Variants in MSH3 observed in about 807,000 individuals in gnomAD.
MSH3 encodes mutS homolog 3.
Under a neutral mutation model 123.3 loss-of-function variants are expected in MSH3, and 106 were observed. The observed-to-expected ratio is 0.86, with a 90% CI of 0.73 to 1.01. The LOEUF (loss-of-function observed/expected upper bound fraction) is 1.01. Among genes scored for constraint, MSH3 ranks in the 50% least tolerant of loss-of-function variants. The pLI, the probability that MSH3 is intolerant of heterozygous loss-of-function variation, is 0.00. For missense variants in MSH3, 1,459 were observed against 1,347.6 expected, an observed-to-expected ratio of 1.08 and a Z score of -1.29; for synonymous variants, 515 against 481.4, an observed-to-expected ratio of 1.07 and a Z score of -0.91.
intron 20 of MSH3, among the ~76,000 whole-genome samples, chr5:80,823,517 G>C (rs1159067327): frequency 6.6e-6 from 1 of 152,110 alleles, no homozygotes; most frequent in South Asian, 2.1e-4. Context: ...CTTCCTTTAG[G>C]AGTTGATGGC....
At position 80,792,669 on chromosome 5, in the gene MSH3, T is replaced by C. The variant is rs2112026495; in HGVS notation, c.2544-64T>C. 4 of 994,622 alleles carry C rather than the reference T, an allele frequency of 4.0e-6. No individual in the cohort carries two copies. The East Asian group carries it at 1.0e-4, about 25-fold the overall frequency. 61.6% of individuals were successfully genotyped at this position (994,622 alleles called of 1,614,324 possible). A position where few individuals can be genotyped will look rare whatever the true frequency, so the allele number is the denominator to read the frequency against. On this transcript the variant is annotated intron_variant, in intron 18 of 23. Transcript: ENST00000265081. ...GAGTACTGAAATTTTTCATGCTATC[T>C]TAGAGTTTTTTTTTTAAGGCTATTT...
intron 1 of MSH3, chr5:80,655,404 C>T (rs1234294676): frequency 4.4e-6 from 1 of 228,198 alleles, no homozygotes; most frequent in Non-Finnish European, 8.7e-6. Context: ...CAGCATGGCT[C>T]AATATTTGAA....
At chr5:80,861,444 T>C (rs1561502468) in intron 21 of MSH3, among the ~76,000 whole-genome samples, 1 of 152,144 alleles carries the variant, frequency 6.6e-6, no homozygotes, top group Non-Finnish European at 1.5e-5. Context: ...GTTGAGTCTT[T>C]CCCTTCCCCC....
chr5:80,766,590 G>A (rs1343117787), intron 13 of MSH3, among the ~76,000 whole-genome samples: 1 of 151,916 alleles, frequency 6.6e-6, no homozygotes, highest in African/African-American at 2.4e-5. Flanking sequence ...TGATCTGCCC[G>A]CCTCAGCCTC....
intron 8 of MSH3, among the ~76,000 whole-genome samples, chr5:80,716,584 AT>A (rs1561453671): frequency 2.6e-5 from 4 of 151,752 alleles, no homozygotes; most frequent in African/African-American, 9.7e-5. Context: ...AGAAACTTAT[AT>A]TTTTTTACAT....
chr5:80,685,927 ATTGT>A (rs1193623637), intron 8 of MSH3, among the ~76,000 whole-genome samples: 5 of 152,208 alleles, frequency 3.3e-5, no homozygotes, highest in African/African-American at 1.2e-4. Context: ...TCAGGAGCAT[ATTGT>A]TTAATTTCCA....
At chr5:80,826,802 G>A (rs753126754) in intron 20 of MSH3, among the ~76,000 whole-genome samples, 9 of 151,196 alleles carry the variant, frequency 6.0e-5, no homozygotes, top group Non-Finnish European at 1.2e-4. Context: ...ACCTGCCTCG[G>A]CCTCCAGAAG....
intron 8 of MSH3, among the ~76,000 whole-genome samples, chr5:80,701,722 T>A (rs1561449102): frequency 6.6e-6 from 1 of 152,172 alleles, no homozygotes. Context: ...GACTCCTTCT[T>A]GTCCATTTGT....
intron 20 of MSH3, among the ~76,000 whole-genome samples, chr5:80,838,325 G>A (rs1199875363): frequency 2.0e-5 from 3 of 151,914 alleles, no homozygotes; most frequent in Admixed American, 6.6e-5. Flanking sequence ...GCGTCAGACC[G>A]AGCCAGGTTT....
chr5:80,716,606 G>C (rs546371628), intron 8 of MSH3, among the ~76,000 whole-genome samples: 27 of 151,852 alleles, frequency 1.8e-4, no homozygotes, highest in Middle Eastern at 3.4e-3. Flanking sequence ...ATTTATTCTT[G>C]ATTCATAATA....
chr5:80,798,948 T>C (rs1171745270), intron 19 of MSH3, among the ~76,000 whole-genome samples: 6 of 152,206 alleles, frequency 3.9e-5, no homozygotes, highest in African/African-American at 1.4e-4. Context: ...AGCACTTTCT[T>C]TGCTCTGTTT....
At chr5:80,832,447 C>A (rs1309754918) in intron 20 of MSH3, among the ~76,000 whole-genome samples, 1 of 152,094 alleles carries the variant, frequency 6.6e-6, no homozygotes, top group Non-Finnish European at 1.5e-5. Context: ...TGGTGAAACT[C>A]TGTCTCTAGT....
At chr5:80,686,509 A>G (rs1440638076) in intron 8 of MSH3, among the ~76,000 whole-genome samples, 2 of 151,922 alleles carry the variant, frequency 1.3e-5, no homozygotes, top group African/African-American at 2.4e-5. Flanking sequence ...ACGGGGTTTC[A>G]CCATGTTGTC....
chr5:80,788,816 A>G (rs575064963), intron 18 of MSH3, among the ~76,000 whole-genome samples: 6 of 152,084 alleles, frequency 3.9e-5, no homozygotes, highest in South Asian at 2.1e-4. Flanking sequence ...AAAAAAAAAA[A>G]AGAGAGATAG....
intron 19 of MSH3, among the ~76,000 whole-genome samples, chr5:80,803,320 T>C (rs928127684): frequency 1.6e-4 from 25 of 152,194 alleles, no homozygotes; most frequent in African/African-American, 5.8e-4. Flanking sequence ...TGCATTTCTC[T>C]GATGATCAAT....
rs868196212 is a variant in MSH3, at chr5:80,846,236, C to T, written c.2814-7894C>T. Among the ~76,000 whole-genome samples the T allele has an allele frequency of 5.3e-5, 8 of 152,260 alleles. No individual in the cohort carries two copies. In the Middle Eastern group the frequency reaches 0.024, roughly 453 times the overall value. ...GCCTGGGCATCACCAGCAGAGGCTGCAGAACAGTAAATATTGCTGCCTGAT... is the reference window on the plus strand; with the variant it reads ...GCCTGGGCATCACCAGCAGAGGCTGTAGAACAGTAAATATTGCTGCCTGAT... On this transcript the variant is annotated intron_variant, in intron 20 of 23. Coordinates refer to ENST00000265081, the MANE Select transcript of MSH3 (RefSeq NM_002439.5).
At chr5:80,733,318 G>A (rs1276461422) in intron 10 of MSH3, among the ~76,000 whole-genome samples, 1 of 152,112 alleles carries the variant, frequency 6.6e-6, no homozygotes, top group African/African-American at 2.4e-5. Context: ...TCATATTTGA[G>A]TTTGGAAGAT....
chr5:80,693,243 GTA>G (rs1313344693), intron 8 of MSH3, among the ~76,000 whole-genome samples: 3 of 3,212 alleles, frequency 9.3e-4, no homozygotes, highest in African/African-American at 2.3e-3. Context: ...ACATGCACAT[GTA>G]TATGTTTATA....
intron 10 of MSH3, among the ~76,000 whole-genome samples, chr5:80,740,761 T>C (rs1211804567): frequency 1.4e-5 from 2 of 145,516 alleles, no homozygotes; most frequent in Non-Finnish European, 3.0e-5. Flanking sequence ...GTTGCCCAGG[T>C]TGGAGTGCAG....
Sources: gnomAD v4.1 joint callset for allele counts (sites outside exome capture counted in the v4.1 genomes callset) on GRCh38, gnomAD v4.1.1 for gene constraint, MANE v1.5 for transcripts, NCBI Gene and HGNC (gene_info 2026-07-23, HGNC 2026-07-21) for gene names.